The following TRPM7 variants were observed in gnomAD, a reference collection of about 807,000 sequenced individuals.
The protein encoded by TRPM7 is LTRPC ion channel family member 7.
Under a neutral mutation model 229.7 loss-of-function variants are expected in TRPM7, and 134 were observed. The ratio of observed to expected loss-of-function variants is 0.58; its 90% CI spans 0.51 to 0.67. The LOEUF is 0.67. TRPM7 is among the 30% of genes least tolerant of loss of function. The probability of loss-of-function intolerance (pLI) is 0.00; values close to 1 mark genes in which losing one functional copy is unlikely to be tolerated. For synonymous variants in TRPM7, 699 were observed against 715.2 expected (o/e 0.98, Z 0.36); for missense variants, 1,901 against 2,210.0 (o/e 0.86, Z 2.80).
At chr15:50,596,177 G>C in intron 23 of TRPM7, 78 bp downstream of exon 23, 1 of 1,043,852 alleles carries the variant, frequency 9.6e-7, no homozygotes, top group Non-Finnish European at 1.3e-6. Context: ...TAGATTTTAA[G>C]TTCTATAAAT....
At chr15:50,591,632 G>A (rs2059495830) in intron 26 of TRPM7, among the ~76,000 whole-genome samples, 1 of 152,014 alleles carries the variant, frequency 6.6e-6, no homozygotes, top group Admixed American at 6.6e-5. Flanking sequence ...GAGTAGCTGG[G>A]ACTTCAGGCA....
At chr15:50,647,410 C>T (rs905651507) in intron 4 of TRPM7, among the ~76,000 whole-genome samples, 4 of 151,752 alleles carry the variant, frequency 2.6e-5, no homozygotes, top group Non-Finnish European at 5.9e-5. Context: ...GGATTACAGG[C>T]GTGAGCCACC....
In TRPM7 at chr15:50,632,952, T is replaced by C. The variant is rs1443943384; in HGVS notation, c.1048A>G (p.Ile350Val). Residue 350 changes from isoleucine to valine, a missense_variant, in exon 9 of 39, where the codon ATC (isoleucine) becomes GTC (valine). Around this residue, in one of 8 missense-constraint regions of TRPM7, gnomAD observed 794 missense variants for 881.9 expected, o/e 0.90. Transcript: ENST00000646667. ...TGGCCAAAGTTAAATGTTTTTTTGA[T>C]AGTGGAAATAATATCGGGCTCTGCT... is the stretch of plus-strand genomic sequence containing the variant. ...DAAEPDIIST[I>V]KKTFNFGQNE... 2 of 1,606,266 alleles carry C rather than the reference T, an allele frequency of 1.2e-6. No homozygotes were observed. The highest frequency in any genetic ancestry group is 1.7e-6 in the Non-Finnish European group (2 of 1,177,404).
At chr15:50,613,940 TAC>T (rs2060140015) in intron 14 of TRPM7, 99 bp from the exon 15 acceptor site, 1 of 1,424,540 alleles carries the variant, frequency 7.0e-7, no homozygotes, top group South Asian at 1.4e-5. Context: ...TGTGTTTGTG[TAC>T]ACACACAAAA....
intron 1 of TRPM7, 105 bp downstream of exon 1, chr15:50,686,426 T>A: frequency 6.3e-7 from 1 of 1,590,340 alleles, no homozygotes; most frequent in African/African-American, 1.3e-5. Context: ...CGAGGGTCCT[T>A]CGCCGCATGG....
intron 21 of TRPM7, among the ~76,000 whole-genome samples, chr15:50,603,161 G>A (rs1323041387): frequency 6.6e-6 from 1 of 152,134 alleles, no homozygotes; most frequent in Non-Finnish European, 1.5e-5. Flanking sequence ...TTAAGGGGGG[G>A]AAGACACATT....
At chr15:50,666,775 C>T (rs1780156965) in intron 1 of TRPM7, among the ~76,000 whole-genome samples, 3 of 152,028 alleles carry the variant, frequency 2.0e-5, no homozygotes, top group Non-Finnish European at 4.4e-5. Context: ...GCACTCCAGC[C>T]TGGGCAACAA....
chr15:50,672,985 C>T (rs191164874), intron 1 of TRPM7, among the ~76,000 whole-genome samples: 26 of 143,634 alleles, frequency 1.8e-4, no homozygotes, highest in African/African-American at 3.1e-4. Flanking sequence ...GTGTTTTATA[C>T]GAAGTGTTAT....
chr15:50,614,676 A>C (rs1192515445), intron 13 of TRPM7, among the ~76,000 whole-genome samples: 1 of 73,344 alleles, frequency 1.4e-5, no homozygotes, highest in Non-Finnish European at 4.0e-5. Context: ...AAAAAAAAAA[A>C]AAAAAAAAAA....
chr15:50,588,546 T>C (rs2059401659), intron 27 of TRPM7, among the ~76,000 whole-genome samples: 1 of 152,208 alleles, frequency 6.6e-6, no homozygotes, highest in Non-Finnish European at 1.5e-5. Flanking sequence ...TTCACCTGGA[T>C]CACATAAAAA....
intron 12 of TRPM7, among the ~76,000 whole-genome samples, chr15:50,620,310 AT>A (rs35661509): frequency 0.067 from 9,834 of 145,968 alleles, 442 homozygotes; most frequent in African/African-American, 0.13. Flanking sequence ...ATTTTTTTCA[AT>A]TTTTTTTTTT....
intron 21 of TRPM7, chr15:50,599,555 C>T (rs1195266967): frequency 3.4e-6 from 1 of 295,624 alleles, no homozygotes; most frequent in Non-Finnish European, 6.2e-6. Context: ...AATTGTATCA[C>T]TGGTTCAAAC....
chr15:50,614,272 A>C lies in TRPM7; in HGVS notation c.1495-9T>G, dbSNP rs1043631390. On this transcript the variant is annotated splice_polypyrimidine_tract_variant and intron_variant, in intron 13 of 38. Coordinates refer to ENST00000646667, the MANE Select transcript of TRPM7 (RefSeq NM_017672.6). Reference sequence around the variant, plus strand: ...CCTGGAGGAAGATTTCCCTAGAAACAAAACATTTGTTTTAAATAGATCAGA... The same window carrying C: ...CCTGGAGGAAGATTTCCCTAGAAACCAAACATTTGTTTTAAATAGATCAGA... 2.5e-6 allele frequency: 4 copies of C among 1,596,194 alleles called. No homozygotes were observed. The highest frequency in any genetic ancestry group is 1.4e-5 in the African/African-American group (1 of 73,672).
chr15:50,613,871 G>A (rs1258946252), intron 14 of TRPM7, 30 bp from the exon 15 acceptor site: 3 of 1,598,588 alleles, frequency 1.9e-6, no homozygotes, highest in African/African-American at 2.7e-5. Context: ...AGCTTTTATA[G>A]ATTTAAACGT....
intron 5 of TRPM7, 21 bp downstream of exon 5, chr15:50,643,319 T>C: frequency 3.2e-6 from 5 of 1,587,232 alleles, no homozygotes; most frequent in Non-Finnish European, 4.3e-6. Flanking sequence ...CTAAATAAAA[T>C]TGGTATAATC....
intron 23 of TRPM7, among the ~76,000 whole-genome samples, chr15:50,596,045 A>G (rs1051755502): frequency 6.6e-6 from 1 of 152,186 alleles, no homozygotes; most frequent in Non-Finnish European, 1.5e-5. Flanking sequence ...AAATTTATAA[A>G]GAAAACTGCA....
intron 25 of TRPM7, 26 bp downstream of exon 25, chr15:50,593,591 C>G: frequency 1.3e-6 from 2 of 1,599,032 alleles, no homozygotes; most frequent in Non-Finnish European, 1.7e-6. Context: ...GACATATAAC[C>G]GATTTTAACT....
Position 50,648,768 on chromosome 15 carries a change from C to A in TRPM7, c.240G>T (p.Val80=), listed in dbSNP as rs764489290. 1.9e-6 allele frequency: 3 copies of A among 1,613,614 alleles called. No homozygotes were observed. Among genetic ancestry groups the A allele is most frequent in the Non-Finnish European group, 2.5e-6 (3 of 1,179,770 alleles). ...HFNQAIEEWS[V]EKHTEQSPTD... is the part of the protein sequence containing the mutation. ...TTGGGCTCTGTTCTGTATGCTTTTCCACAGACCATTCTTCTATTGCCTGAT... is the reference window on the plus strand; with the variant it reads ...TTGGGCTCTGTTCTGTATGCTTTTCAACAGACCATTCTTCTATTGCCTGAT... The change falls in exon 4 of 39, where the codon GTG becomes GTT. Residue 80 remains valine (V), a synonymous_variant. Transcript: ENST00000646667.
chr15:50,624,165 C>T lies in TRPM7; in HGVS notation c.1440+1G>A. ...AATAAAGAATTTTAATGTAGACTTA[C>T]AGTGTTGTAAAGTTCTTCCAGTCTC... On this transcript the variant is annotated splice_donor_variant, in intron 12 of 38. Coordinates refer to ENST00000646667, the MANE Select transcript of TRPM7 (RefSeq NM_017672.6). LOFTEE classifies it high-confidence loss of function. The T allele has an allele frequency of 6.2e-7, 1 of 1,600,322 alleles. No individual in the cohort carries two copies.
Sources: gnomAD v4.1 joint callset for allele counts (sites outside exome capture counted in the v4.1 genomes callset) on GRCh38, gnomAD v4.1.1 for gene constraint, gnomAD v4.1.1 regional missense constraint, MANE v1.5 for transcripts, NCBI Gene and HGNC (gene_info 2026-07-23, HGNC 2026-07-21) for gene names.